The following SKAP2 variants were observed in gnomAD, a reference collection of about 807,000 sequenced individuals.
SKAP2 encodes the protein src kinase-associated phosphoprotein 2.
Under a neutral mutation model 54.9 loss-of-function variants are expected in SKAP2, and 28 were observed. The observed-to-expected ratio is 0.51, with a 90% CI of 0.38 to 0.70. SKAP2 has a LOEUF of 0.70. SKAP2 is among the 30% of genes least tolerant of loss of function. The probability of loss-of-function intolerance (pLI) is 0.00; values close to 1 mark genes in which losing one functional copy is unlikely to be tolerated. For synonymous variants in SKAP2, 137 were observed against 134.3 expected (o/e 1.02, Z -0.14); for missense variants, 356 against 424.1 (o/e 0.84, Z 1.41).
At chr7:26,705,843 C>T (rs1300927541) in intron 9 of SKAP2, among the ~76,000 whole-genome samples, 1 of 152,172 alleles carries the variant, frequency 6.6e-6, no homozygotes, top group East Asian at 1.9e-4. Context: ...TAGCAGGAGC[C>T]TGTCTCATGG....
intron 9 of SKAP2, among the ~76,000 whole-genome samples, chr7:26,707,861 G>A (rs1323796532): frequency 6.6e-6 from 1 of 152,194 alleles, no homozygotes; most frequent in Non-Finnish European, 1.5e-5. Flanking sequence ...CCATCCTCAA[G>A]CATGGTATTC....
At chr7:26,803,287 A>G (rs762836946) in intron 4 of SKAP2, among the ~76,000 whole-genome samples, 14 of 152,206 alleles carry the variant, frequency 9.2e-5, no homozygotes, top group Admixed American at 4.6e-4. Flanking sequence ...AAAGCCTAAC[A>G]ATCCAATCAA....
chr7:26,705,649 C>A (rs1363848552), intron 9 of SKAP2, among the ~76,000 whole-genome samples: 1 of 152,160 alleles, frequency 6.6e-6, no homozygotes, highest in African/African-American at 2.4e-5. Context: ...ATTAAAAAAA[C>A]TCAACTAGAA....
intron 4 of SKAP2, among the ~76,000 whole-genome samples, chr7:26,778,108 T>C (rs1783351457): frequency 1.5e-5 from 2 of 134,174 alleles, no homozygotes; most frequent in African/African-American, 2.8e-5. Context: ...TGCCAGGCTA[T>C]AAGAATTGTA....
At chr7:26,808,911 C>T (rs557881304) in intron 4 of SKAP2, among the ~76,000 whole-genome samples, 2 of 152,294 alleles carry the variant, frequency 1.3e-5, no homozygotes, top group Non-Finnish European at 2.9e-5. Context: ...ATATGACCCC[C>T]AAAGCACAGG....
intron 6 of SKAP2, among the ~76,000 whole-genome samples, chr7:26,736,119 A>G (rs1787935142): frequency 6.6e-6 from 1 of 152,182 alleles, no homozygotes; most frequent in South Asian, 2.1e-4. Flanking sequence ...CTCCGTCTTG[A>G]ATAGGGGCTG....
At chr7:26,764,002 T>C (rs1782989027) in intron 4 of SKAP2, among the ~76,000 whole-genome samples, 1 of 152,200 alleles carries the variant, frequency 6.6e-6, no homozygotes, top group Non-Finnish European at 1.5e-5. Flanking sequence ...CACATGACTG[T>C]TCTTCTATCA....
chr7:26,701,719 C>T (rs1014677680), intron 9 of SKAP2, among the ~76,000 whole-genome samples: 14 of 149,818 alleles, frequency 9.3e-5, no homozygotes, highest in Admixed American at 5.3e-4. Context: ...AACAAGACTT[C>T]GTCTCAAAAA....
chr7:26,756,174 C>G (rs1232405498), intron 4 of SKAP2, among the ~76,000 whole-genome samples: 1 of 152,018 alleles, frequency 6.6e-6, no homozygotes, highest in African/African-American at 2.4e-5. Flanking sequence ...TTTTTTAATA[C>G]TTTTTGTTAA....
intron 4 of SKAP2, among the ~76,000 whole-genome samples, chr7:26,834,417 G>T (rs1459536513): frequency 2.6e-5 from 4 of 152,012 alleles, no homozygotes; most frequent in Admixed American, 2.0e-4. Context: ...CTGGTGTTTT[G>T]AAAAGATCAA....
chr7:26,841,234 G>A (rs1240089180), intron 4 of SKAP2, among the ~76,000 whole-genome samples: 1 of 151,756 alleles, frequency 6.6e-6, no homozygotes, highest in African/African-American at 2.4e-5. Context: ...GGTCCAATGC[G>A]AAAATCAAAA....
chr7:26,829,550 A>C (rs1784561093), intron 4 of SKAP2, among the ~76,000 whole-genome samples: 2 of 152,178 alleles, frequency 1.3e-5, no homozygotes, highest in South Asian at 4.1e-4. Flanking sequence ...GGCTCAAAAC[A>C]AACAAACAAA....
In SKAP2 at chr7:26,816,267, A is replaced by G. The variant is rs113283537; in HGVS notation, c.307+27763T>C. On this transcript the variant is annotated intron_variant, in intron 4 of 12. Coordinates refer to ENST00000345317, the MANE Select transcript of SKAP2 (RefSeq NM_003930.5). ...ATTGTTAATTTATGCAATTATGAAA[A>G]AATATCAATTTTACTCATACTTTTG... Among the ~76,000 whole-genome samples, 183 of 152,268 alleles carry G rather than the reference A, an allele frequency of 1.2e-3. 1 individual carries two copies. The highest frequency in any genetic ancestry group is 4.3e-3 in the African/African-American group (177 of 41,568).
chr7:26,752,797 A>G (rs1268049733), intron 4 of SKAP2, among the ~76,000 whole-genome samples: 2 of 152,164 alleles, frequency 1.3e-5, no homozygotes, highest in Non-Finnish European at 2.9e-5. Flanking sequence ...TAACACAAAA[A>G]CAAATCAGCA....
chr7:26,718,132 C>T lies in SKAP2; in HGVS notation c.796+7296G>A, dbSNP rs1787501205. The stretch of plus-strand genomic sequence containing the variant: ...CTCCTTTGAGGCCTGTGTAAGGATG[C>T]TGGGGGATTCCCAACACTTAGGCAC... On this transcript the variant is annotated intron_variant, in intron 9 of 12. Transcript: ENST00000345317. 2.6e-5 allele frequency among the ~76,000 whole-genome samples: 4 copies of T among 152,212 alleles called. No homozygotes were observed. In the South Asian group the frequency reaches 6.2e-4, roughly 24 times the overall value.
intron 4 of SKAP2, among the ~76,000 whole-genome samples, chr7:26,787,319 T>C (rs1783571423): frequency 7.5e-6 from 1 of 132,880 alleles, no homozygotes; most frequent in Middle Eastern, 3.8e-3. Flanking sequence ...GGCCTCAAGA[T>C]GGTTTTTTTT....
chr7:26,705,396 T>C (rs1185829832), intron 9 of SKAP2, among the ~76,000 whole-genome samples: 1 of 152,190 alleles, frequency 6.6e-6, no homozygotes. Flanking sequence ...ATGTTTATTG[T>C]CCTTGCTTAG....
the SKAP2 span, among the ~76,000 whole-genome samples, chr7:26,657,739 C>CG: frequency 7.2e-6 from 1 of 138,372 alleles, no homozygotes; most frequent in African/African-American, 2.6e-5. Context: ...ATCCCCGCCC[C>CG]CCCCGCCCCA....
At chr7:26,727,751 C>T (rs966873140) in intron 6 of SKAP2, among the ~76,000 whole-genome samples, 9 of 152,024 alleles carry the variant, frequency 5.9e-5, no homozygotes, top group East Asian at 3.9e-4. Context: ...AAGTAAAGTG[C>T]GAATATAACA....
Sources: allele counts gnomAD v4.1 joint callset (sites outside exome capture counted in the v4.1 genomes callset), GRCh38; gene constraint gnomAD v4.1.1; transcripts MANE v1.5; gene names NCBI Gene and HGNC (gene_info 2026-07-23, HGNC 2026-07-21).